The following SLC25A36 variants were observed in gnomAD, a reference collection of about 807,000 sequenced individuals.
The protein encoded by SLC25A36 is solute carrier family 25 member 36, also known as epididymis secretory sperm binding protein.
In SLC25A36, 24 loss-of-function variants were observed where a neutral mutation model predicts 35.3. The ratio of observed to expected loss-of-function variants is 0.68; its 90% CI spans 0.49 to 0.96. SLC25A36 has a LOEUF of 0.96. Among genes scored for constraint, SLC25A36 ranks in the 40% least tolerant of loss-of-function variants. The pLI, the probability that SLC25A36 is intolerant of heterozygous loss-of-function variation, is 0.00. For synonymous variants in SLC25A36, 141 were observed against 132.2 expected (o/e 1.07, Z -0.46); for missense variants, 294 against 381.1 (o/e 0.77, Z 1.90).
rs140704493 is a variant in SLC25A36, at chr3:140,978,129, G to A, written c.*1676G>A. On this transcript the variant is annotated 3_prime_UTR_variant, in exon 7 of 7. Coordinates refer to ENST00000324194, the MANE Select transcript of SLC25A36 (RefSeq NM_001104647.3). ...TCTCTGCTGTCACCAGTGAAACATA[G>A]TGCCCTGTTAAATTCCCCCACTTTA... 1 of 152,072 alleles carries A rather than the reference G, an allele frequency of 6.6e-6. No homozygotes were observed. Among genetic ancestry groups the A allele is most frequent in the Non-Finnish European group, 1.5e-5 (1 of 68,028 alleles). 9.4% of individuals were successfully genotyped at this position (152,072 alleles called of 1,614,324 possible). A position where few individuals can be genotyped will look rare whatever the true frequency, so the allele number is the denominator to read the frequency against.
rs1339419395 is a variant in SLC25A36 at position 140,973,528 on chromosome 3, A to G, written c.453-188A>G. On this transcript the variant is annotated intron_variant, in intron 5 of 6. Transcript: ENST00000324194. The stretch of plus-strand genomic sequence containing the variant: ...GCATTCAGTAAAATAAACTATTTAC[A>G]TATCACCCATTTAATATGACAAATT... The G allele has an allele frequency of 3.0e-5, 13 of 436,456 alleles. No homozygotes were observed. The East Asian group carries it at 3.6e-4, about 12-fold the overall frequency. 27.0% of individuals were successfully genotyped at this position (436,456 alleles called of 1,614,324 possible). A position where few individuals can be genotyped will look rare whatever the true frequency, so the allele number is the denominator to read the frequency against.
chr3:140,955,760 A>G lies in SLC25A36; in HGVS notation c.42-767A>G, dbSNP rs191871772. Among the ~76,000 whole-genome samples, 133 of 152,230 alleles carry G rather than the reference A, an allele frequency of 8.7e-4. 2 individuals carry two copies. The East Asian group carries it at 0.011, about 12-fold the overall frequency. On this transcript the variant is annotated intron_variant, in intron 1 of 6. Transcript: ENST00000324194. ...CAGGCTAGAGTGCAGTGGCCTGATC[A>G]TATTCACTGTAGCCCTGAACTCCTA...
At chr3:140,970,403 AG>A (rs1310476289) in intron 4 of SLC25A36, 1 of 152,278 alleles carries the variant, frequency 6.6e-6, no homozygotes, top group Non-Finnish European at 1.5e-5. Flanking sequence ...ATATGTAGAA[AG>A]TATTCATGGG....
rs879159460 is a variant in SLC25A36 at position 140,978,969 on chromosome 3, T to C, written c.*2516T>C. ...TTTCATCTGTTTATCATGACTTTTTTATTTCTGGTGTAGAGTCCACATTAT... is the reference window on the plus strand; with the variant it reads ...TTTCATCTGTTTATCATGACTTTTTCATTTCTGGTGTAGAGTCCACATTAT... On this transcript the variant is annotated 3_prime_UTR_variant, in exon 7 of 7. Transcript: ENST00000324194. 9.9e-5 allele frequency: 15 copies of C among 152,210 alleles called. No homozygotes were observed. The highest frequency in any genetic ancestry group is 3.4e-4 in the African/African-American group (14 of 41,464). 9.4% of individuals were successfully genotyped at this position (152,210 alleles called of 1,614,324 possible).
intron 1 of SLC25A36, among the ~76,000 whole-genome samples, chr3:140,950,831 T>A (rs1934299043): frequency 6.6e-6 from 1 of 152,136 alleles, no homozygotes; most frequent in Non-Finnish European, 1.5e-5. Flanking sequence ...AAATGTTGAG[T>A]TTGTATTCTT....
chr3:140,968,321 C>A, intron 4 of SLC25A36: 1 of 768,014 alleles, frequency 1.3e-6, no homozygotes, highest in Non-Finnish European at 1.6e-6. Flanking sequence ...TTACCTAACC[C>A]AATGGTTTGC....
At chr3:140,958,952 A>G (rs1301993722) in intron 2 of SLC25A36, among the ~76,000 whole-genome samples, 2 of 147,950 alleles carry the variant, frequency 1.4e-5, no homozygotes, top group Non-Finnish European at 3.0e-5. Flanking sequence ...TCATGAAAAA[A>G]CAATGTTTTG....
intron 4 of SLC25A36, among the ~76,000 whole-genome samples, chr3:140,969,420 C>A (rs1022530606): frequency 6.6e-6 from 1 of 151,820 alleles, no homozygotes; most frequent in East Asian, 1.9e-4. Flanking sequence ...TAGTTTTATA[C>A]TTACATATGT....
rs559664098 is a variant in SLC25A36, at chr3:140,968,640, A to G, written c.386-2287A>G. On this transcript the variant is annotated intron_variant, in intron 4 of 6. Transcript: ENST00000324194. Reference sequence around the variant, plus strand: ...TTCCTAACAACATTTATAAAAATTTATTGTACTATTGTAAAGTTTTTTATA... The same window carrying G: ...TTCCTAACAACATTTATAAAAATTTGTTGTACTATTGTAAAGTTTTTTATA... The G allele has an allele frequency of 2.1e-5, 20 of 960,748 alleles. No individual in the cohort carries two copies. The South Asian group carries it at 8.7e-4, about 42-fold the overall frequency. 59.5% of individuals were successfully genotyped at this position (960,748 alleles called of 1,614,324 possible). A position where few individuals can be genotyped will look rare whatever the true frequency, so the allele number is the denominator to read the frequency against.
In SLC25A36 at chr3:140,946,368, C is replaced by T. The variant is rs980356117; in HGVS notation, c.41+4273C>T. On this transcript the variant is annotated intron_variant, in intron 1 of 6. Coordinates refer to ENST00000324194, the MANE Select transcript of SLC25A36 (RefSeq NM_001104647.3). ...AGTGAGATAATGAAGCAGGTATGGC[C>T]AGAATGATAGAGCCTTCTTAAGCCT... is the stretch of plus-strand genomic sequence containing the variant. Among the ~76,000 whole-genome samples, 5 of 152,252 alleles carry T rather than the reference C, an allele frequency of 3.3e-5. No homozygotes were observed. The South Asian group carries it at 6.2e-4, about 19-fold the overall frequency.
rs1056392520 is a variant in SLC25A36 at position 140,979,473 on chromosome 3, A to C, written c.*3020A>C. Reference sequence around the variant, plus strand: ...TCTAGGGACCCCCTTTGGAGCTGATAAGTACAGTTCAGCCTTTTCTCCTCA... The same window carrying C: ...TCTAGGGACCCCCTTTGGAGCTGATCAGTACAGTTCAGCCTTTTCTCCTCA... On this transcript the variant is annotated 3_prime_UTR_variant, in exon 7 of 7. Transcript: ENST00000324194. 1 of 152,188 alleles carries C rather than the reference A, an allele frequency of 6.6e-6. No homozygotes were observed. The highest frequency in any genetic ancestry group is 1.5e-5 in the Non-Finnish European group (1 of 68,022). 9.4% of individuals were successfully genotyped at this position (152,188 alleles called of 1,614,324 possible). A position where few individuals can be genotyped will look rare whatever the true frequency, so the allele number is the denominator to read the frequency against.
intron 1 of SLC25A36, among the ~76,000 whole-genome samples, chr3:140,948,699 G>A (rs1934235083): frequency 2.6e-5 from 4 of 152,144 alleles, no homozygotes; most frequent in Admixed American, 2.6e-4. Context: ...TACCTTGCCT[G>A]TTAAAAACAA....
chr3:140,963,259 AC>A (rs919687247), intron 4 of SLC25A36, 32 bp downstream of exon 4: 5 of 1,308,586 alleles, frequency 3.8e-6, no homozygotes, highest in African/African-American at 3.1e-5. Flanking sequence ...AAAAAAAAAA[AC>A]TTTCTGAAAC....
intron 1 of SLC25A36, among the ~76,000 whole-genome samples, chr3:140,947,229 G>A (rs964445604): frequency 1.1e-4 from 16 of 152,196 alleles, no homozygotes; most frequent in African/African-American, 3.4e-4. Flanking sequence ...GGGCAGGGGA[G>A]TAAAAGTCTG....
At chr3:140,944,757 G>A (rs1934118050) in intron 1 of SLC25A36, among the ~76,000 whole-genome samples, 1 of 152,086 alleles carries the variant, frequency 6.6e-6, no homozygotes, top group Admixed American at 6.5e-5. Context: ...AATCAAAGAT[G>A]ATCTAAGAAC....
intron 4 of SLC25A36, chr3:140,964,821 T>C (rs1484432838): frequency 6.6e-6 from 1 of 151,894 alleles, no homozygotes; most frequent in Non-Finnish European, 1.5e-5. Flanking sequence ...ATATCTTTAT[T>C]TCCACTGGAA....
intron 4 of SLC25A36, among the ~76,000 whole-genome samples, chr3:140,967,478 A>G (rs1455973952): frequency 6.6e-6 from 1 of 151,994 alleles, no homozygotes; most frequent in Non-Finnish European, 1.5e-5. Context: ...TTGCAAATAA[A>G]TGCAGGATAA....
chr3:140,967,256 C>T (rs1259980274), intron 4 of SLC25A36, among the ~76,000 whole-genome samples: 10 of 151,788 alleles, frequency 6.6e-5, no homozygotes, highest in Non-Finnish European at 1.3e-4. Flanking sequence ...TCAGCTTGGC[C>T]ATAACAGCCT....
intron 4 of SLC25A36, among the ~76,000 whole-genome samples, chr3:140,969,926 T>C (rs539357994): frequency 1.2e-4 from 18 of 152,098 alleles, no homozygotes; most frequent in African/African-American, 4.1e-4. Flanking sequence ...TTTCTGCATA[T>C]AATTTTTTAT....
Sources: allele counts gnomAD v4.1 joint callset (sites outside exome capture counted in the v4.1 genomes callset), GRCh38; gene constraint gnomAD v4.1.1; transcripts MANE v1.5; gene names NCBI Gene and HGNC (gene_info 2026-07-23, HGNC 2026-07-21).